ACIN1: variants seen among roughly 807,000 people sequenced by gnomAD.
ACIN1 encodes the protein apoptotic chromatin condensation inducer 1.
A neutral mutation model predicts 146.6 loss-of-function variants in ACIN1; 16 were observed. The observed-to-expected ratio is 0.11, with a 90% CI of 0.07 to 0.17. The LOEUF (loss-of-function observed/expected upper bound fraction) is 0.17. ACIN1 is among the 10% of genes least tolerant of loss of function. ACIN1 has a pLI of 1.00. For missense variants in ACIN1, 1,357 were observed against 1,609.3 expected (o/e 0.84, Z 2.68); for synonymous variants, 569 against 582.7 (o/e 0.98, Z 0.34).
chr14:23,071,865 A>C (rs2047667216), intron 8 of ACIN1, among the ~76,000 whole-genome samples: 3 of 152,238 alleles, frequency 2.0e-5, no homozygotes, highest in African/African-American at 7.2e-5. Context: ...AGAGAATAGA[A>C]GGCAGGCAAA....
chr14:23,081,276 T>C (rs1193706798), intron 5 of ACIN1, among the ~76,000 whole-genome samples: 2 of 144,848 alleles, frequency 1.4e-5, no homozygotes, highest in Non-Finnish European at 3.0e-5. Context: ...TATATAACTT[T>C]AAAGCTTTGA....
intron 8 of ACIN1, among the ~76,000 whole-genome samples, chr14:23,072,659 A>G (rs2047692538): frequency 6.6e-6 from 1 of 152,236 alleles, no homozygotes; most frequent in Admixed American, 6.5e-5. Flanking sequence ...AACTTCTGAG[A>G]ACCAAAGCTC....
At chr14:23,077,047 G>C (rs1257468900) in intron 8 of ACIN1, among the ~76,000 whole-genome samples, 1 of 152,200 alleles carries the variant, frequency 6.6e-6, no homozygotes, top group Admixed American at 6.5e-5. Context: ...GCAGAGGTAA[G>C]ACTGTCAGAA....
At chr14:23,071,302 CAGAG>C in intron 8 of ACIN1, 1 of 1,504,938 alleles carries the variant, frequency 6.6e-7, no homozygotes, top group Non-Finnish European at 8.9e-7. Context: ...CCACCCGATC[CAGAG>C]AGAGAAAATT....
intron 8 of ACIN1, chr14:23,071,297 C>T (rs1475424586): frequency 6.0e-5 from 90 of 1,497,616 alleles, no homozygotes; most frequent in South Asian, 2.7e-4. Flanking sequence ...CCCAGCCACC[C>T]GATCCAGAGA....
intron 16 of ACIN1, among the ~76,000 whole-genome samples, 197 bp downstream of exon 16, chr14:23,061,971 C>CAAAAAAAAAAAAAAA (rs57962360): frequency 1.7e-5 from 1 of 59,146 alleles, no homozygotes; most frequent in African/African-American, 7.3e-5. Context: ...GACTCTGTCT[C>CAAAAAAAAAAAAAAA]AAAAAAAAAA....
At chr14:23,087,944 C>G (rs567916527) in intron 4 of ACIN1, among the ~76,000 whole-genome samples, 1 of 152,322 alleles carries the variant, frequency 6.6e-6, no homozygotes, top group East Asian at 1.9e-4. Flanking sequence ...AGGCTCAGCT[C>G]AAATCCTGTA....
At chr14:23,089,904 T>A in intron 4 of ACIN1, 78 bp downstream of exon 4, 1 of 1,413,730 alleles carries the variant, frequency 7.1e-7, no homozygotes, top group Non-Finnish European at 9.4e-7. Flanking sequence ...AGGCTTAGCA[T>A]GAAAGGAGGT....
At chr14:23,090,735 C>G (rs980243664) in intron 2 of ACIN1, 102 bp from the exon 3 acceptor site, 2 of 802,588 alleles carry the variant, frequency 2.5e-6, no homozygotes, top group Non-Finnish European at 3.8e-6. Context: ...TAGTTGCGCC[C>G]AAGAAAGATA....
chr14:23,064,083 C>A, intron 12 of ACIN1, 22 bp downstream of exon 12: 2 of 1,613,580 alleles, frequency 1.2e-6, no homozygotes, highest in Non-Finnish European at 1.7e-6. Context: ...TTTCCCCTGA[C>A]ACTGGGGTGC....
intron 10 of ACIN1, among the ~76,000 whole-genome samples, chr14:23,065,518 C>T (rs1169368110): frequency 2.0e-5 from 3 of 152,192 alleles, no homozygotes; most frequent in Non-Finnish European, 4.4e-5. Context: ...GACCCGGAGG[C>T]GGAGGTTGCA....
At chr14:23,060,923 T>C (rs756417715) in intron 18 of ACIN1, among the ~76,000 whole-genome samples, 161 bp downstream of exon 18, 7 of 152,218 alleles carry the variant, frequency 4.6e-5, no homozygotes, top group Non-Finnish European at 1.0e-4. Context: ...TTTCTCTATG[T>C]TATACCAATT....
At chr14:23,073,781 C>T (rs2047726361) in intron 8 of ACIN1, among the ~76,000 whole-genome samples, 2 of 152,132 alleles carry the variant, frequency 1.3e-5, no homozygotes, top group South Asian at 4.1e-4. Flanking sequence ...ATACTCTCAG[C>T]TGCTAATATG....
chr14:23,059,486 T>C lies in ACIN1; in HGVS notation c.3526-12A>G, dbSNP rs769722167. 6 of 1,610,934 alleles carry C rather than the reference T, an allele frequency of 3.7e-6. No homozygotes were observed. The highest frequency in any genetic ancestry group is 1.7e-4 in the Middle Eastern group (1 of 6,054). Reference sequence around the variant, plus strand: ...TCTTTCTGAACGATCTGTAGCCAGGTAGGAAAGGCAGAGAATAGGCAGCTC... The same window carrying C: ...TCTTTCTGAACGATCTGTAGCCAGGCAGGAAAGGCAGAGAATAGGCAGCTC... On this transcript the variant is annotated splice_polypyrimidine_tract_variant and intron_variant, in intron 18 of 18. Transcript: ENST00000605057.
chr14:23,094,599 C>T, intron 1 of ACIN1: 2 of 936,660 alleles, frequency 2.1e-6, no homozygotes, highest in Non-Finnish European at 2.5e-6. Context: ...CTAACTCCGA[C>T]CCAGCCCAAC....
chr14:23,085,403 T>C (rs190637684), intron 4 of ACIN1, among the ~76,000 whole-genome samples: 64 of 152,314 alleles, frequency 4.2e-4, no homozygotes, highest in Admixed American at 3.9e-3. Flanking sequence ...AAAATTAGTA[T>C]GTACAAGCAA....
Position 23,068,972 on chromosome 14 carries a change from G to C in ACIN1, c.2265+504C>G. The C allele has an allele frequency of 1.0e-6, 1 of 985,626 alleles. No individual in the cohort carries two copies. Among genetic ancestry groups the C allele is most frequent in the African/African-American group, 1.7e-5 (1 of 57,296 alleles). The allele number at this position is 985,626 out of a possible 1,614,324, so 61.1% of individuals were successfully genotyped here. On this transcript the variant is annotated intron_variant, in intron 9 of 18. Coordinates refer to ENST00000605057, the MANE Select transcript of ACIN1 (RefSeq NM_001386863.1). This position sits in a 1 kb window ranked among gnomAD's most constrained non-coding sequence, Gnocchi z 4.3. The stretch of plus-strand genomic sequence containing the variant: ...ACAGGTAACTGAGAATGGGCCTTCC[G>C]GATCACAAGTGCTGGCTTCTAAGTA...
rs2047522051 is a variant in ACIN1, at chr14:23,068,364, TG to T, written c.2265+1111del. On this transcript the variant is annotated intron_variant, in intron 9 of 18. Coordinates refer to ENST00000605057, the MANE Select transcript of ACIN1 (RefSeq NM_001386863.1). The surrounding 1 kb of genome is among the most constrained non-coding windows in gnomAD (Gnocchi z 4.3). ...CCCCAGCACTGGCACAAGCTCTTCT[TG>T]GGGTGTCCCAAGTAGGGAGATGATG... 1.0e-6 allele frequency: 1 copy of T among 985,848 alleles called. No homozygotes were observed. Among genetic ancestry groups the T allele is most frequent in the African/African-American group, 1.7e-5 (1 of 57,260 alleles). 61.1% of individuals were successfully genotyped at this position (985,848 alleles called of 1,614,324 possible).
At position 23,068,923 on chromosome 14, in the gene ACIN1, G is replaced by A; in HGVS notation, c.2265+553C>T. ...GGGTGCAGGACACAAGATAACATAT[G>A]CCAAAAAAGGAGGTAGAGGGGTCAC... On this transcript the variant is annotated intron_variant, in intron 9 of 18. Transcript: ENST00000605057. This position sits in a 1 kb window ranked among gnomAD's most constrained non-coding sequence, Gnocchi z 4.3. 1.0e-6 allele frequency: 1 copy of A among 985,450 alleles called. No homozygotes were observed. Among genetic ancestry groups the A allele is most frequent in the Non-Finnish European group, 1.2e-6 (1 of 829,986 alleles). 61.0% of individuals were successfully genotyped at this position (985,450 alleles called of 1,614,324 possible).
Sources: allele counts gnomAD v4.1 joint callset (sites outside exome capture counted in the v4.1 genomes callset), GRCh38; gene constraint gnomAD v4.1.1; non-coding constraint Gnocchi (gnomAD v3.1); transcripts MANE v1.5; gene names NCBI Gene and HGNC (gene_info 2026-07-23, HGNC 2026-07-21).